Variants in GRIK1 observed in about 807,000 individuals in gnomAD.
GRIK1 encodes glutamate ionotropic receptor kainate type subunit 1.
In GRIK1, 69 loss-of-function variants were observed where a neutral mutation model predicts 105.7. The ratio of observed to expected loss-of-function variants is 0.65; its 90% CI spans 0.54 to 0.80. GRIK1 has a LOEUF of 0.80. Among genes scored for constraint, GRIK1 ranks in the 30% least tolerant of loss-of-function variants. The pLI, the probability that GRIK1 is intolerant of heterozygous loss-of-function variation, is 0.00. For missense variants in GRIK1, 1,109 were observed against 1,167.3 expected (o/e 0.95, Z 0.73); for synonymous variants, 438 against 431.3 (o/e 1.02, Z -0.19).
chr21:29,769,826 T>C (rs2065769480), intron 1 of GRIK1, among the ~76,000 whole-genome samples: 1 of 152,148 alleles, frequency 6.6e-6, no homozygotes, highest in South Asian at 2.1e-4. Context: ...AACATCTTGA[T>C]TTCAGCCTTC....
intron 1 of GRIK1, among the ~76,000 whole-genome samples, chr21:29,860,726 T>A (rs531177348): frequency 2.0e-5 from 3 of 152,286 alleles, no homozygotes; most frequent in South Asian, 4.2e-4. Flanking sequence ...TTTATATATT[T>A]AAAAAAATTT....
chr21:29,718,542 A>T (rs1034764138), intron 1 of GRIK1, among the ~76,000 whole-genome samples: 2 of 152,254 alleles, frequency 1.3e-5, no homozygotes, highest in African/African-American at 4.8e-5. Context: ...GAGAGACAGG[A>T]TGAATCAGGG....
At chr21:29,583,961 T>C (rs999839098) in intron 12 of GRIK1, among the ~76,000 whole-genome samples, 1 of 152,110 alleles carries the variant, frequency 6.6e-6, no homozygotes, top group Non-Finnish European at 1.5e-5. Flanking sequence ...CCCAAATGAC[T>C]CTCAAGAAAT....
At chr21:29,569,465 G>A (rs1255445883) in intron 14 of GRIK1, among the ~76,000 whole-genome samples, 1 of 152,118 alleles carries the variant, frequency 6.6e-6, no homozygotes, top group Non-Finnish European at 1.5e-5. Context: ...ATATGTAGTA[G>A]AACCCAGGCT....
intron 1 of GRIK1, among the ~76,000 whole-genome samples, chr21:29,938,831 G>A (rs927495438): frequency 3.4e-5 from 4 of 117,472 alleles, no homozygotes; most frequent in African/African-American, 3.1e-5. Context: ...GTCAGAGTTG[G>A]CAGACTCCAT....
chr21:29,626,113 T>G (rs115204637), intron 7 of GRIK1, among the ~76,000 whole-genome samples: 312 of 152,270 alleles, frequency 2.0e-3, no homozygotes, highest in African/African-American at 7.1e-3. Context: ...AAAAAGAAAT[T>G]TGTTTATCAC....
intron 1 of GRIK1, among the ~76,000 whole-genome samples, chr21:29,769,527 A>T (rs1357339209): frequency 1.3e-5 from 2 of 152,096 alleles, no homozygotes; most frequent in African/African-American, 4.8e-5. Flanking sequence ...TGCAACCTAC[A>T]TCCCTCCCAT....
chr21:29,686,717 C>T (rs2063492963), intron 3 of GRIK1, among the ~76,000 whole-genome samples: 1 of 152,208 alleles, frequency 6.6e-6, no homozygotes, highest in Admixed American at 6.5e-5. Flanking sequence ...AAAGCCTCAG[C>T]ACTTGGCTCT....
At chr21:29,836,992 C>A (rs768057280) in intron 1 of GRIK1, among the ~76,000 whole-genome samples, 1 of 152,180 alleles carries the variant, frequency 6.6e-6, no homozygotes, top group Non-Finnish European at 1.5e-5. Flanking sequence ...TGATCCAGCA[C>A]CTGCTTTTTC....
At chr21:29,914,569 G>T (rs534894964) in intron 1 of GRIK1, among the ~76,000 whole-genome samples, 1 of 152,154 alleles carries the variant, frequency 6.6e-6, no homozygotes, top group East Asian at 1.9e-4. Context: ...GTATTCATTG[G>T]CTTGTTTCAC....
chr21:29,812,746 A>G (rs966065962), intron 1 of GRIK1, among the ~76,000 whole-genome samples: 2 of 152,208 alleles, frequency 1.3e-5, no homozygotes, highest in African/African-American at 4.8e-5. Context: ...CAAGCCGGCC[A>G]GGCTGGGTCA....
intron 7 of GRIK1, among the ~76,000 whole-genome samples, chr21:29,617,250 T>C (rs528482885): frequency 6.6e-6 from 1 of 152,352 alleles, no homozygotes; most frequent in South Asian, 2.1e-4. Context: ...GTGCAGAGAA[T>C]GCAGCAAGTG....
At chr21:29,922,549 C>T (rs2071225447) in intron 1 of GRIK1, among the ~76,000 whole-genome samples, 1 of 152,008 alleles carries the variant, frequency 6.6e-6, no homozygotes, top group Non-Finnish European at 1.5e-5. Context: ...CAGAAAGAAG[C>T]AATCTTAGAA....
chr21:29,560,347 CTTTCTTTCTT>C (rs2090383576), intron 15 of GRIK1, among the ~76,000 whole-genome samples: 2 of 98,016 alleles, frequency 2.0e-5, no homozygotes, highest in African/African-American at 8.8e-5. Flanking sequence ...TTCTTTCTTT[CTTTCTTTCTT>C]TTTCTTTCTT....
intron 1 of GRIK1, among the ~76,000 whole-genome samples, chr21:29,782,241 C>T (rs1244733896): frequency 1.3e-5 from 2 of 151,670 alleles, no homozygotes; most frequent in East Asian, 2.0e-4. Flanking sequence ...CGCCCGCCAC[C>T]AAGCCTGGCT....
At chr21:29,900,348 AAC>A (rs2070349054) in intron 1 of GRIK1, among the ~76,000 whole-genome samples, 1 of 151,952 alleles carries the variant, frequency 6.6e-6, no homozygotes, top group Admixed American at 6.6e-5. Context: ...AAATTGGATA[AAC>A]AGTCAAGACC....
chr21:29,849,645 T>A (rs888399034), intron 1 of GRIK1, among the ~76,000 whole-genome samples: 1 of 152,222 alleles, frequency 6.6e-6, no homozygotes, highest in Non-Finnish European at 1.5e-5. Context: ...AAAGACAATG[T>A]GTCCATGTGC....
At chr21:29,861,663 C>A (rs750422708) in intron 1 of GRIK1, 7 of 457,548 alleles carry the variant, frequency 1.5e-5, no homozygotes, top group Non-Finnish European at 3.0e-5. Context: ...GAGAATCTTT[C>A]TAATGAATGA....
chr21:29,878,987 C>T (rs890057512), intron 1 of GRIK1, among the ~76,000 whole-genome samples: 1 of 152,102 alleles, frequency 6.6e-6, no homozygotes, highest in Non-Finnish European at 1.5e-5. Context: ...GTACGTCACT[C>T]GTTTTATGGT....
Sources: allele counts gnomAD v4.1 joint callset (sites outside exome capture counted in the v4.1 genomes callset), GRCh38; gene constraint gnomAD v4.1.1; transcripts MANE v1.5; gene names NCBI Gene and HGNC (gene_info 2026-07-23, HGNC 2026-07-21).